SLC35F4: variants seen among roughly 807,000 people sequenced by gnomAD.
SLC35F4 encodes the protein solute carrier family 35 member F4.
In SLC35F4, 24 loss-of-function variants were observed where a neutral mutation model predicts 44.2. That is an observed-to-expected ratio of 0.54 (90% confidence interval 0.39 to 0.76). The LOEUF is 0.76. SLC35F4 is among the 30% of genes least tolerant of loss of function. The pLI is 0.00. For synonymous variants in SLC35F4, 238 were observed against 223.6 expected (o/e 1.06, Z -0.57); for missense variants, 562 against 586.1 (o/e 0.96, Z 0.42).
At chr14:57,945,191 T>C (rs191052942) in intron 1 of SLC35F4, among the ~76,000 whole-genome samples, 77 of 152,214 alleles carry the variant, frequency 5.1e-4, no homozygotes, top group Non-Finnish European at 8.1e-4. Flanking sequence ...GGTTGACACA[T>C]GACATACTAC....
intron 1 of SLC35F4, among the ~76,000 whole-genome samples, chr14:57,744,980 A>C (rs1329899172): frequency 6.6e-6 from 1 of 151,838 alleles, no homozygotes; most frequent in Non-Finnish European, 1.5e-5. Context: ...TGGCAAAAAC[A>C]AGAAATGGGG....
chr14:57,817,514 T>C (rs373564108), intron 1 of SLC35F4, among the ~76,000 whole-genome samples: 1 of 152,048 alleles, frequency 6.6e-6, no homozygotes, highest in Non-Finnish European at 1.5e-5. Context: ...CACCACAGCC[T>C]GAGGAAGGAA....
chr14:57,611,585 T>TAAA (rs10647941), intron 1 of SLC35F4, among the ~76,000 whole-genome samples: 1,513 of 126,972 alleles, frequency 0.012, 15 homozygotes, highest in African/African-American at 0.028. Context: ...AGAGAAGAGT[T>TAAA]AAAAAAAAAA....
intron 1 of SLC35F4, among the ~76,000 whole-genome samples, chr14:57,645,918 A>G (rs1247442050): frequency 1.3e-5 from 2 of 152,018 alleles, no homozygotes; most frequent in Non-Finnish European, 2.9e-5. Context: ...TATATGCTGG[A>G]TTACATTTAT....
upstream of SLC35F4, among the ~76,000 whole-genome samples, chr14:57,869,953 G>A (rs762175951): frequency 6.6e-6 from 1 of 152,194 alleles, no homozygotes; most frequent in Non-Finnish European, 1.5e-5. Flanking sequence ...AAGGGGCTGG[G>A]TGTCTGTATG....
At chr14:57,951,843 C>A (rs560132452) in intron 1 of SLC35F4, among the ~76,000 whole-genome samples, 1 of 152,192 alleles carries the variant, frequency 6.6e-6, no homozygotes, top group Non-Finnish European at 1.5e-5. Context: ...AGGGAAGAGG[C>A]GGCTATGGGC....
At chr14:57,569,190 A>C (rs1245575514) in intron 6 of SLC35F4, among the ~76,000 whole-genome samples, 2 of 152,302 alleles carry the variant, frequency 1.3e-5, no homozygotes, top group East Asian at 3.9e-4. Context: ...TCTTCCTATC[A>C]CAAATCCATT....
intron 1 of SLC35F4, among the ~76,000 whole-genome samples, chr14:57,657,818 C>G (rs1296932761): frequency 6.6e-6 from 1 of 152,118 alleles, no homozygotes; most frequent in African/African-American, 2.4e-5. Context: ...AAAGAAACCT[C>G]GGATTGGGAA....
chr14:57,938,409 C>T (rs557464708), intron 1 of SLC35F4, among the ~76,000 whole-genome samples: 1 of 151,884 alleles, frequency 6.6e-6, no homozygotes, highest in African/African-American at 2.4e-5. Context: ...GGGAGTCAGA[C>T]AGACCAGGCT....
rs543747775 is a variant in SLC35F4, at chr14:57,952,829, G to C, written n.282+29084C>G. Among the ~76,000 whole-genome samples, 8 of 152,176 alleles carry C rather than the reference G, an allele frequency of 5.3e-5. No individual in the cohort carries two copies. The East Asian group carries it at 1.6e-3, about 30-fold the overall frequency. ...ACGTTTGATTAGTGCACCTAAAAGTGATGGGGAGAATGGAACCAAATTGGA... is the reference window on the plus strand; with the variant it reads ...ACGTTTGATTAGTGCACCTAAAAGTCATGGGGAGAATGGAACCAAATTGGA... On this transcript the variant is annotated intron_variant and non_coding_transcript_variant, in intron 1 of 1. Transcript: ENST00000556568.
rs2076383210 is a variant in SLC35F4, at chr14:57,733,200, C to T, written c.103+132523G>A. On this transcript the variant is annotated intron_variant, in intron 1 of 7. Coordinates refer to ENST00000556826, the MANE Select transcript of SLC35F4 (RefSeq NM_001306087.2). ...AATGTCAGAAACACTAGCTCTCCGGCCTACTGATTTGGAAAGTACGTACTT... is the reference window on the plus strand; with the variant it reads ...AATGTCAGAAACACTAGCTCTCCGGTCTACTGATTTGGAAAGTACGTACTT... 5.3e-5 allele frequency among the ~76,000 whole-genome samples: 8 copies of T among 152,166 alleles called. No homozygotes were observed. In the South Asian group the frequency reaches 1.7e-3, roughly 32 times the overall value.
intron 5 of SLC35F4, among the ~76,000 whole-genome samples, chr14:57,571,043 GAC>G (rs200331802): frequency 6.6e-6 from 1 of 152,276 alleles, no homozygotes; most frequent in East Asian, 1.9e-4. Flanking sequence ...TGCCCTCTGA[GAC>G]ACAGTGTTGG....
intron 1 of SLC35F4, among the ~76,000 whole-genome samples, chr14:57,846,957 A>G (rs1252456220): frequency 6.6e-6 from 1 of 152,240 alleles, no homozygotes; most frequent in Non-Finnish European, 1.5e-5. Flanking sequence ...GTGCTACTCA[A>G]AGTGCACTCT....
chr14:57,810,805 C>T (rs1881878306), intron 1 of SLC35F4, among the ~76,000 whole-genome samples: 1 of 152,152 alleles, frequency 6.6e-6, no homozygotes, highest in Non-Finnish European at 1.5e-5. Context: ...CTCATTCTAC[C>T]CCATATAGGA....
intron 1 of SLC35F4, among the ~76,000 whole-genome samples, chr14:57,721,224 A>G (rs528796814): frequency 6.6e-6 from 1 of 151,864 alleles, no homozygotes; most frequent in Non-Finnish European, 1.5e-5. Flanking sequence ...CTTTAATAGT[A>G]TGGAGAACAC....
intron 1 of SLC35F4, among the ~76,000 whole-genome samples, chr14:57,615,949 A>G (rs996032395): frequency 6.6e-6 from 1 of 152,196 alleles, no homozygotes; most frequent in African/African-American, 2.4e-5. Flanking sequence ...CTGACCCTAG[A>G]TATTTCTTTT....
chr14:57,680,460 GCACAA>G (rs1340871652), intron 1 of SLC35F4, among the ~76,000 whole-genome samples: 2 of 152,026 alleles, frequency 1.3e-5, no homozygotes, highest in African/African-American at 2.4e-5. Context: ...TTGAAAACCG[GCACAA>G]CACAAGGATG....
intron 1 of SLC35F4, among the ~76,000 whole-genome samples, chr14:57,616,662 T>C (rs1337309407): frequency 6.6e-6 from 1 of 152,226 alleles, no homozygotes; most frequent in Non-Finnish European, 1.5e-5. Flanking sequence ...TCTCCATCAC[T>C]GCCTGTTTAC....
Position 57,979,321 on chromosome 14 carries a change from G to A in SLC35F4, n.152-2364C>T, listed in dbSNP as rs141288615. On this transcript the variant is annotated intron_variant and non_coding_transcript_variant, in intron 1 of 1. Coordinates refer to the SLC35F4 transcript ENST00000554648. ...TCCAAGGGTACTCTATGATAGATTG[G>A]ACTTCATGTGAGAAAGAAAGGAGGG... Among the ~76,000 whole-genome samples, 122 of 152,304 alleles carry A rather than the reference G, an allele frequency of 8.0e-4. 2 individuals carry two copies. The highest frequency in any genetic ancestry group is 2.6e-3 in the Admixed American group (40 of 15,304).
Sources: allele counts gnomAD v4.1 joint callset (sites outside exome capture counted in the v4.1 genomes callset), GRCh38; gene constraint gnomAD v4.1.1; transcripts MANE v1.5; gene names NCBI Gene and HGNC (gene_info 2026-07-23, HGNC 2026-07-21).